The following FAM193A variants were observed in gnomAD, a reference collection of about 807,000 sequenced individuals.
The protein encoded by FAM193A is protein FAM193A.
FAM193A carries 22 observed loss-of-function variants against 126.5 expected under a neutral mutation model. The observed-to-expected ratio is 0.17, with a 90% CI of 0.12 to 0.25. The LOEUF (loss-of-function observed/expected upper bound fraction) is 0.25, where lower values mean the gene tolerates loss of function less well. Among genes scored for constraint, FAM193A ranks in the 10% least tolerant of loss-of-function variants. FAM193A has a pLI of 1.00. For synonymous variants in FAM193A, 761 were observed against 646.8 expected, an observed-to-expected ratio of 1.18 and a Z score of -2.68; for missense variants, 1,675 against 1,672.8, an observed-to-expected ratio of 1.00 and a Z score of -0.02.
At chr4:2,629,559 A>C (rs532340178) in intron 4 of FAM193A, among the ~76,000 whole-genome samples, 2 of 152,352 alleles carry the variant, frequency 1.3e-5, no homozygotes, top group Admixed American at 1.3e-4. Context: ...TAATATGGCA[A>C]TTTAAAAATA....
chr4:2,544,049 A>C (rs939677815), intron 1 of FAM193A, among the ~76,000 whole-genome samples: 1 of 152,120 alleles, frequency 6.6e-6, no homozygotes, highest in Non-Finnish European at 1.5e-5. Flanking sequence ...CGGTGAAATT[A>C]GGTTATCATT....
intron 13 of FAM193A, among the ~76,000 whole-genome samples, chr4:2,675,923 A>G (rs1387557651): frequency 6.6e-6 from 1 of 152,234 alleles, no homozygotes; most frequent in East Asian, 1.9e-4. Flanking sequence ...TTCACTTAGC[A>G]TAATGTCCTC....
At chr4:2,682,231 A>G (rs1210912832) in intron 13 of FAM193A, among the ~76,000 whole-genome samples, 1 of 151,516 alleles carries the variant, frequency 6.6e-6, no homozygotes, top group Non-Finnish European at 1.5e-5. Flanking sequence ...TGATCCGCCC[A>G]CCTCAGCCTC....
At chr4:2,542,501 A>G (rs977352635) in intron 1 of FAM193A, among the ~76,000 whole-genome samples, 1 of 152,224 alleles carries the variant, frequency 6.6e-6, no homozygotes, top group African/African-American at 2.4e-5. Flanking sequence ...AAGTATTTTA[A>G]TAATTGTTCA....
rs201403898 is a variant in FAM193A at position 2,693,825 on chromosome 4, C to T, written c.3043C>T (p.Leu1015=). The change falls in exon 16 of 21, where the codon CTA becomes TTA. Residue 1015 remains leucine (L), a synonymous_variant. Transcript: ENST00000637812. Reference sequence around the variant, plus strand: ...ACGCAAGAGTTTCTGTCCTGCACCCCTACCCCCGGCCACAGATGGCTCCAT... The same window carrying T: ...ACGCAAGAGTTTCTGTCCTGCACCCTTACCCCCGGCCACAGATGGCTCCAT... ...DTRKSFCPAP[L]PPATDGSISA... 1 of 1,614,240 alleles carries T rather than the reference C, an allele frequency of 6.2e-7. No homozygotes were observed. Among genetic ancestry groups the T allele is most frequent in the Non-Finnish European group, 8.5e-7 (1 of 1,180,032 alleles).
chr4:2,631,947 C>G (rs932282309), intron 5 of FAM193A, among the ~76,000 whole-genome samples: 1 of 152,176 alleles, frequency 6.6e-6, no homozygotes, highest in Admixed American at 6.5e-5. Context: ...ATCACTTAAA[C>G]TTTATTATTA....
intron 7 of FAM193A, among the ~76,000 whole-genome samples, chr4:2,655,621 G>C (rs1425188607): frequency 1.3e-5 from 2 of 152,116 alleles, no homozygotes; most frequent in East Asian, 3.9e-4. Flanking sequence ...AGGACCATAG[G>C]CACATGCCAG....
intron 3 of FAM193A, among the ~76,000 whole-genome samples, chr4:2,625,886 G>GATTTTTGTATATTTTATATA (rs2108978899): frequency 6.6e-6 from 1 of 152,148 alleles, no homozygotes; most frequent in African/African-American, 2.4e-5. Flanking sequence ...ACCATGTCGG[G>GATTTTTGTATATTTTATATA]CTAATTTTTG....
At chr4:2,703,833 ATGG>A (rs1389295487) in intron 19 of FAM193A, among the ~76,000 whole-genome samples, 1 of 148,186 alleles carries the variant, frequency 6.7e-6, no homozygotes, top group Non-Finnish European at 1.5e-5. Context: ...TTATCTGGGC[ATGG>A]TGGTGCACGC....
Position 2,690,686 on chromosome 4 carries a change from T to A in FAM193A, c.2531-12T>A, listed in dbSNP as rs1264674173. The A allele has an allele frequency of 6.3e-7, 1 of 1,599,860 alleles. No individual in the cohort carries two copies. Among genetic ancestry groups the A allele is most frequent in the Non-Finnish European group, 8.5e-7 (1 of 1,173,970 alleles). On this transcript the variant is annotated splice_polypyrimidine_tract_variant and intron_variant, in intron 14 of 20. Transcript: ENST00000637812. The stretch of plus-strand genomic sequence containing the variant: ...CTGTCAGAAGCCTTAATTTTCCTGT[T>A]CTTCTTTGAAGGGAGTGAAATATTA...
intron 1 of FAM193A, among the ~76,000 whole-genome samples, chr4:2,577,410 GGTTTTTTTTTT>G (rs1374016047): frequency 1.6e-5 from 2 of 123,762 alleles, no homozygotes; most frequent in African/African-American, 3.1e-5. Context: ...CAATTAAAGT[GGTTTTTTTTTT>G]GTTTTTTTTT....
At chr4:2,708,220 G>A (rs1395537337) in intron 19 of FAM193A, 1 of 440,548 alleles carries the variant, frequency 2.3e-6, no homozygotes, top group Admixed American at 2.4e-5. Context: ...TCGCCTCCCA[G>A]GTTCAAGCGA....
intron 1 of FAM193A, among the ~76,000 whole-genome samples, chr4:2,583,162 C>G (rs1327525924): frequency 6.6e-6 from 1 of 152,210 alleles, no homozygotes; most frequent in Non-Finnish European, 1.5e-5. Context: ...AGAACCCTGT[C>G]TGTCTTTGAC....
intron 20 of FAM193A, among the ~76,000 whole-genome samples, chr4:2,719,812 A>G (rs1719929918): frequency 7.7e-6 from 1 of 130,714 alleles, no homozygotes; most frequent in Non-Finnish European, 1.5e-5. Flanking sequence ...TCCTTCTGAC[A>G]GGGTCTCACT....
chr4:2,657,592 T>A (rs1394950515), intron 7 of FAM193A, among the ~76,000 whole-genome samples: 1 of 152,204 alleles, frequency 6.6e-6, no homozygotes, highest in Non-Finnish European at 1.5e-5. Context: ...CATCTCTGTC[T>A]TTCATGTGAG....
At chr4:2,557,528 A>G (rs1017444771) in intron 1 of FAM193A, among the ~76,000 whole-genome samples, 10 of 152,192 alleles carry the variant, frequency 6.6e-5, no homozygotes, top group Non-Finnish European at 4.4e-5. Flanking sequence ...CAGAATTTTC[A>G]TTCTTTTTAG....
chr4:2,570,409 C>T (rs1057234906), intron 1 of FAM193A, among the ~76,000 whole-genome samples: 3 of 152,142 alleles, frequency 2.0e-5, no homozygotes, highest in East Asian at 1.9e-4. Context: ...AACTCTAAAT[C>T]GCTGCAGTGA....
chr4:2,664,725 G>A (rs971523556), intron 12 of FAM193A, among the ~76,000 whole-genome samples: 14 of 151,744 alleles, frequency 9.2e-5, no homozygotes, highest in South Asian at 6.3e-4. Flanking sequence ...CACCACGCCC[G>A]GCTAATTTTT....
At chr4:2,642,549 G>T (rs1010910017) in intron 6 of FAM193A, among the ~76,000 whole-genome samples, 1 of 152,000 alleles carries the variant, frequency 6.6e-6, no homozygotes, top group Non-Finnish European at 1.5e-5. Flanking sequence ...TGGTTATGAC[G>T]TTCAGATTCA....
Sources: gnomAD v4.1 joint callset for allele counts (sites outside exome capture counted in the v4.1 genomes callset) on GRCh38, gnomAD v4.1.1 for gene constraint, MANE v1.5 for transcripts, NCBI Gene and HGNC (gene_info 2026-07-23, HGNC 2026-07-21) for gene names.